Variants in EHMT1 observed in about 807,000 individuals in gnomAD.
EHMT1 encodes the protein histone-lysine N-methyltransferase EHMT1.
In EHMT1, 15 loss-of-function variants were observed where a neutral mutation model predicts 147.2. That is an observed-to-expected ratio of 0.10 (90% CI 0.07 to 0.16). The LOEUF (loss-of-function observed/expected upper bound fraction) is 0.16. Ranked by LOEUF, EHMT1 falls within the 10% of genes least tolerant of loss-of-function variation. EHMT1 has a pLI of 1.00. For synonymous variants in EHMT1, 795 were observed against 709.6 expected (o/e 1.12, Z -1.91); for missense variants, 1,587 against 1,772.4 (o/e 0.90, Z 1.88).
intron 1 of EHMT1, among the ~76,000 whole-genome samples, chr9:137,629,217 C>T (rs1281637664): frequency 6.6e-6 from 1 of 151,604 alleles, no homozygotes; most frequent in Non-Finnish European, 1.5e-5. Flanking sequence ...CTCAGCCTCC[C>T]GAGTAGCTGG....
chr9:137,752,232 C>T (rs963886995), intron 6 of EHMT1, 99 bp from the exon 7 acceptor site: 9 of 1,405,284 alleles, frequency 6.4e-6, no homozygotes, highest in East Asian at 4.9e-5. Context: ...GGCCAGTGCC[C>T]GTTTCGAGGT....
chr9:137,806,218 C>T (rs760220243), intron 18 of EHMT1, among the ~76,000 whole-genome samples: 25 of 152,232 alleles, frequency 1.6e-4, no homozygotes, highest in Non-Finnish European at 3.1e-4. Flanking sequence ...GCTTTGGCCT[C>T]CCACAGTGCT....
rs79635856 is a variant in EHMT1, at chr9:137,792,116, T to G, written c.2505+1146T>G. 637 of 470,174 alleles carry G rather than the reference T, an allele frequency of 1.4e-3. 5 individuals carry two copies. The highest frequency in any genetic ancestry group is 0.012 in the African/African-American group (589 of 50,042). The allele number at this position is 470,174 out of a possible 1,614,324, so 29.1% of individuals were successfully genotyped here. A position where few individuals can be genotyped will look rare whatever the true frequency, so the allele number is the denominator to read the frequency against. On this transcript the variant is annotated intron_variant, in intron 16 of 26. Transcript: ENST00000460843. ...GAGACCCAGAGAAGCCAAACAATTT[T>G]GTGAAAGAACAGAGTTGGAGAACTC...
At chr9:137,672,665 CCT>C (rs1940815810) in intron 1 of EHMT1, among the ~76,000 whole-genome samples, 1 of 152,346 alleles carries the variant, frequency 6.6e-6, no homozygotes, top group African/African-American at 2.4e-5. Context: ...CCAGTTTCTG[CCT>C]CTCGTAGAGC....
intron 9 of EHMT1, among the ~76,000 whole-genome samples, chr9:137,761,104 T>C (rs1015906754): frequency 7.9e-5 from 12 of 152,206 alleles, no homozygotes; most frequent in Non-Finnish European, 1.5e-4. Context: ...CAGAAGCACG[T>C]TGGGAGCTGC....
intron 1 of EHMT1, among the ~76,000 whole-genome samples, chr9:137,689,133 G>A (rs574428532): frequency 6.6e-6 from 1 of 152,090 alleles, no homozygotes; most frequent in Non-Finnish European, 1.5e-5. Context: ...TTTTACACTG[G>A]AAAGGATTTT....
chr9:137,711,090 C>T (rs1944669951), intron 2 of EHMT1, 60 bp downstream of exon 2: 1 of 1,509,416 alleles, frequency 6.6e-7, no homozygotes. Flanking sequence ...AGAAAACCTG[C>T]TGCTCTTCCT....
In EHMT1 at chr9:137,777,935, A is replaced by C. The variant is rs772956832; in HGVS notation, c.2072A>C (p.His691Pro). 2 of 1,613,446 alleles carry C rather than the reference A, an allele frequency of 1.2e-6. No individual in the cohort carries two copies. Among genetic ancestry groups the C allele is most frequent in the South Asian group, 2.2e-5 (2 of 91,026 alleles). The change falls in exon 13 of 27, where the codon CAC (histidine) becomes CCC (proline). Residue 691 changes from histidine (H) to proline (P), a missense_variant. Coordinates refer to ENST00000460843, the MANE Select transcript of EHMT1 (RefSeq NM_024757.5). Reference protein sequence around the residue: ...EDDKLQGAASHVPEGFDPTGP... With the variant: ...EDDKLQGAASPVPEGFDPTGP... ...GACAAGCTGCAGGGTGCAGCCTCCC[A>C]CGTGCCCGAGGGCTTTGATCCAACG...
At chr9:137,728,321 A>C (rs762106111) in intron 3 of EHMT1, 28 bp from the exon 4 acceptor site, 2 of 1,613,978 alleles carry the variant, frequency 1.2e-6, no homozygotes, top group Non-Finnish European at 1.7e-6. Context: ...TTATGCAGTT[A>C]TAGTTATTCA....
intron 1 of EHMT1, among the ~76,000 whole-genome samples, chr9:137,687,352 A>G (rs1304148433): frequency 4.6e-5 from 7 of 152,220 alleles, no homozygotes; most frequent in African/African-American, 1.7e-4. Flanking sequence ...TTCTGCAACA[A>G]TAACAGCAGC....
chr9:137,663,954 T>C (rs1311738261), intron 1 of EHMT1, among the ~76,000 whole-genome samples: 1 of 152,250 alleles, frequency 6.6e-6, no homozygotes, highest in Non-Finnish European at 1.5e-5. Flanking sequence ...AACTAAGTAC[T>C]ATATAGTATA....
At chr9:137,728,245 G>C in intron 3 of EHMT1, 104 bp from the exon 4 acceptor site, 2 of 1,494,892 alleles carry the variant, frequency 1.3e-6, no homozygotes, top group Non-Finnish European at 1.9e-6. Context: ...TCATCTTTCG[G>C]TTGTGGGGAA....
chr9:137,669,045 C>G (rs1299087969), intron 1 of EHMT1, among the ~76,000 whole-genome samples: 1 of 152,120 alleles, frequency 6.6e-6, no homozygotes, highest in African/African-American at 2.4e-5. Context: ...CGCCACTGAC[C>G]CCCGCTAATT....
At chr9:137,780,675 G>GGCATCTCA (rs1951370858) in intron 14 of EHMT1, among the ~76,000 whole-genome samples, 1 of 83,676 alleles carries the variant, frequency 1.2e-5, no homozygotes, top group Non-Finnish European at 2.2e-5. Flanking sequence ...TGGTGATGAC[G>GGCATCTCA]CCGAGACGTG....
intron 1 of EHMT1, among the ~76,000 whole-genome samples, chr9:137,659,229 A>C (rs1292497224): frequency 6.6e-6 from 1 of 151,460 alleles, no homozygotes; most frequent in Admixed American, 6.6e-5. Flanking sequence ...AACATCTCCA[A>C]TGTGGTACTT....
chr9:137,693,541 A>C (rs1426604156), intron 1 of EHMT1, among the ~76,000 whole-genome samples: 4 of 151,524 alleles, frequency 2.6e-5, no homozygotes, highest in Non-Finnish European at 5.9e-5. Flanking sequence ...TCACTTACCC[A>C]CCACGCAGTG....
At chr9:137,688,589 A>G (rs1942662063) in intron 1 of EHMT1, among the ~76,000 whole-genome samples, 1 of 152,248 alleles carries the variant, frequency 6.6e-6, no homozygotes, top group South Asian at 2.1e-4. Context: ...ATATCAATGT[A>G]GAGCATTTGT....
At position 137,728,350 on chromosome 9, in the gene EHMT1, A is replaced by T. The variant is rs1946810590; in HGVS notation, c.644A>T (p.His215Leu). ...TTATTCACTGTCTTTGTTTTGAAGCATGCAGCCAGTAAAGATCCCAGAGAA... is the reference window on the plus strand; with the variant it reads ...TTATTCACTGTCTTTGTTTTGAAGCTTGCAGCCAGTAAAGATCCCAGAGAA... Reference protein sequence around the residue: ...KTMPKSVVGLHAASKDPREVR... With the variant: ...KTMPKSVVGLLAASKDPREVR... Residue 215 changes from histidine (H) to leucine (L), a missense_variant and splice_region_variant, in exon 4 of 27, where the codon CAT becomes CTT. By Grantham distance (99) the His-to-Leu change is moderately conservative. Around this residue, in one of 7 missense-constraint regions of EHMT1, gnomAD observed 810 missense variants for 673.0 expected, o/e 1.20. Transcript: ENST00000460843. 1 of 1,614,122 alleles carries T rather than the reference A, an allele frequency of 6.2e-7. No individual in the cohort carries two copies. The highest frequency in any genetic ancestry group is 8.5e-7 in the Non-Finnish European group (1 of 1,180,052).
At chr9:137,721,198 T>A (rs1945945378) in intron 3 of EHMT1, among the ~76,000 whole-genome samples, 1 of 78,630 alleles carries the variant, frequency 1.3e-5, no homozygotes, top group Non-Finnish European at 2.5e-5. Flanking sequence ...CTTCTCACAC[T>A]CACCCCTCCC....
Sources: allele counts gnomAD v4.1 joint callset (sites outside exome capture counted in the v4.1 genomes callset), GRCh38; gene constraint gnomAD v4.1.1; regional missense constraint gnomAD v4.1.1; transcripts MANE v1.5; gene names NCBI Gene and HGNC (gene_info 2026-07-23, HGNC 2026-07-21).